PPP6R3: variants seen among roughly 807,000 people sequenced by gnomAD.
The protein encoded by PPP6R3 is serine/threonine-protein phosphatase 6 regulatory subunit 3.
In PPP6R3, 38 loss-of-function variants were observed where a neutral mutation model predicts 110.7. The observed-to-expected ratio is 0.34, with a 90% CI of 0.26 to 0.45. PPP6R3 has a LOEUF of 0.45. Among genes scored for constraint, PPP6R3 ranks in the 20% least tolerant of loss-of-function variants. The pLI is 1.00. For synonymous variants in PPP6R3, 369 were observed against 373.5 expected, an observed-to-expected ratio of 0.99 and a Z score of 0.14; for missense variants, 870 against 1,062.4, an observed-to-expected ratio of 0.82 and a Z score of 2.52.
intron 1 of PPP6R3, among the ~76,000 whole-genome samples, chr11:68,470,370 T>G (rs575639245): frequency 2.6e-5 from 4 of 151,448 alleles, no homozygotes; most frequent in African/African-American, 7.3e-5. Context: ...GACAAGGTGC[T>G]AAGAAGGAGG....
chr11:68,560,435 C>T (rs2153730325), intron 8 of PPP6R3, among the ~76,000 whole-genome samples: 1 of 152,328 alleles, frequency 6.6e-6, no homozygotes, highest in South Asian at 2.1e-4. Flanking sequence ...ACAAACAATG[C>T]ATTAAACAGA....
chr11:68,568,665 T>C (rs577841380), intron 10 of PPP6R3, among the ~76,000 whole-genome samples: 78 of 152,348 alleles, frequency 5.1e-4, no homozygotes, highest in African/African-American at 1.8e-3. Flanking sequence ...ACCTCAAGAC[T>C]GTGGACCGTA....
chr11:68,501,875 C>G (rs997808284), intron 1 of PPP6R3, among the ~76,000 whole-genome samples: 1 of 152,210 alleles, frequency 6.6e-6, no homozygotes, highest in South Asian at 2.1e-4. Flanking sequence ...AGTAAGTCCT[C>G]ACTTAACACC....
intron 14 of PPP6R3, among the ~76,000 whole-genome samples, chr11:68,582,225 G>A (rs2099558191): frequency 6.6e-6 from 1 of 152,184 alleles, no homozygotes. Flanking sequence ...CAGAAATATA[G>A]TACTTCTTTC....
At chr11:68,464,927 G>C (rs932912023) in intron 1 of PPP6R3, among the ~76,000 whole-genome samples, 10 of 151,414 alleles carry the variant, frequency 6.6e-5, no homozygotes, top group African/African-American at 2.4e-4. Context: ...TGTCACCCAG[G>C]CTGGAGTGCA....
At position 68,614,279 on chromosome 11, in the gene PPP6R3, A is replaced by C. The variant is rs1202475136; in HGVS notation, c.*1162A>C. On this transcript the variant is annotated 3_prime_UTR_variant, in exon 24 of 24. Transcript: ENST00000393800. ...GTGATTATGGATACTAATTCAATGT[A>C]ATTTATAATTTTCTATGTCAATACA... is the stretch of plus-strand genomic sequence containing the variant. The C allele has an allele frequency of 6.8e-6, 7 of 1,035,176 alleles. No individual in the cohort carries two copies. The highest frequency in any genetic ancestry group is 8.1e-6 in the Non-Finnish European group (7 of 860,626). The allele number at this position is 1,035,176 out of a possible 1,614,324, so 64.1% of individuals were successfully genotyped here.
rs181419170 is a variant in PPP6R3, at chr11:68,515,437, G to C, written c.-157-4064G>C. On this transcript the variant is annotated intron_variant, in intron 1 of 23. Transcript: ENST00000393800. ...AGGAGCTGGAGGGGTGAGGCGGTAGGGGGGCAGCAATCCTGAAACAATGAG... is the reference window on the plus strand; with the variant it reads ...AGGAGCTGGAGGGGTGAGGCGGTAGCGGGGCAGCAATCCTGAAACAATGAG... 7.0e-3 allele frequency among the ~76,000 whole-genome samples: 1,072 copies of C among 152,322 alleles called. 4 individuals carry two copies. Among genetic ancestry groups the C allele is most frequent in the African/African-American group, 0.024 (1,017 of 41,546 alleles).
chr11:68,485,118 C>T (rs1193469586), intron 1 of PPP6R3, among the ~76,000 whole-genome samples: 1 of 151,562 alleles, frequency 6.6e-6, no homozygotes, highest in Non-Finnish European at 1.5e-5. Flanking sequence ...TGTTTTATAC[C>T]TAAGTATTTC....
intron 23 of PPP6R3, among the ~76,000 whole-genome samples, chr11:68,610,399 G>A (rs773102403): frequency 1.3e-5 from 2 of 152,098 alleles, no homozygotes; most frequent in South Asian, 2.1e-4. Flanking sequence ...TCATCCAGCC[G>A]CCAGGCACGA....
At chr11:68,547,707 A>G (rs774283350) in intron 4 of PPP6R3, among the ~76,000 whole-genome samples, 13 of 152,250 alleles carry the variant, frequency 8.5e-5, no homozygotes, top group Non-Finnish European at 1.3e-4. Context: ...TCTAACAGAC[A>G]TGCTTTATGT....
At chr11:68,582,173 G>C (rs2099557674) in intron 14 of PPP6R3, among the ~76,000 whole-genome samples, 1 of 152,170 alleles carries the variant, frequency 6.6e-6, no homozygotes, top group African/African-American at 2.4e-5. Context: ...TCTGTGAAAA[G>C]TACAGAATAA....
At chr11:68,611,473 G>A (rs567023615) in intron 23 of PPP6R3, among the ~76,000 whole-genome samples, 1 of 152,322 alleles carries the variant, frequency 6.6e-6, no homozygotes, top group Non-Finnish European at 1.5e-5. Flanking sequence ...GAAGAGCCCT[G>A]CCCTAACCTG....
chr11:68,559,691 TG>T (rs2099411727), intron 8 of PPP6R3, among the ~76,000 whole-genome samples: 1 of 152,208 alleles, frequency 6.6e-6, no homozygotes, highest in African/African-American at 2.4e-5. Context: ...TGTTGTAGTT[TG>T]GGGGTTGTTT....
intron 14 of PPP6R3, among the ~76,000 whole-genome samples, chr11:68,582,728 AAAC>A: frequency 6.6e-6 from 1 of 152,336 alleles, no homozygotes; most frequent in East Asian, 1.9e-4. Context: ...TTCTTTTTGT[AAAC>A]ATTTAATTGG....
intron 22 of PPP6R3, among the ~76,000 whole-genome samples, chr11:68,608,633 T>G (rs1300056506): frequency 6.6e-6 from 1 of 151,884 alleles, no homozygotes; most frequent in East Asian, 1.9e-4. Context: ...AAGTGTGAGG[T>G]GGAGGGCAGC....
chr11:68,523,809 A>G (rs1353215282), intron 2 of PPP6R3, among the ~76,000 whole-genome samples: 1 of 143,558 alleles, frequency 7.0e-6, no homozygotes, highest in African/African-American at 2.6e-5. Flanking sequence ...GACTTCCTAA[A>G]TCGTTTAAGT....
intron 1 of PPP6R3, among the ~76,000 whole-genome samples, chr11:68,471,155 G>T (rs2098788707): frequency 6.6e-6 from 1 of 151,830 alleles, no homozygotes. Flanking sequence ...TTAGTGGTGG[G>T]TGCCTGTAGT....
chr11:68,469,870 A>G (rs994580180), intron 1 of PPP6R3, among the ~76,000 whole-genome samples: 6 of 152,124 alleles, frequency 3.9e-5, no homozygotes, highest in African/African-American at 1.4e-4. Context: ...GACCTCCCCA[A>G]GGCAAATACC....
chr11:68,477,642 G>C (rs2098841572), intron 1 of PPP6R3, among the ~76,000 whole-genome samples: 1 of 149,596 alleles, frequency 6.7e-6, no homozygotes, highest in African/African-American at 2.5e-5. Flanking sequence ...GGGAAGATCT[G>C]CTTGAGCCCA....
Sources: gnomAD v4.1 joint callset for allele counts (sites outside exome capture counted in the v4.1 genomes callset) on GRCh38, gnomAD v4.1.1 for gene constraint, MANE v1.5 for transcripts, NCBI Gene and HGNC (gene_info 2026-07-23, HGNC 2026-07-21) for gene names.